Variants in FUT8 observed in about 807,000 individuals in gnomAD.
The protein encoded by FUT8 is alpha-(1,6)-fucosyltransferase.
A neutral mutation model predicts 71.3 loss-of-function variants in FUT8; 29 were observed. That is an observed-to-expected ratio of 0.41 (90% CI 0.30 to 0.55). The LOEUF is 0.55. Among genes scored for constraint, FUT8 ranks in the 20% least tolerant of loss-of-function variants. The pLI is 0.34. For missense variants in FUT8, 544 were observed against 702.1 expected (o/e 0.77, Z 2.55); for synonymous variants, 254 against 239.3 (o/e 1.06, Z -0.57).
intron 1 of FUT8, 26 bp from the exon 2 acceptor site, chr14:65,455,595 T>C (rs2065885045): frequency 2.5e-6 from 1 of 398,164 alleles, no homozygotes; most frequent in Non-Finnish European, 4.4e-6. Flanking sequence ...TAGGGCTGAA[T>C]TTCATATATT....
chr14:65,705,127 A>G (rs1489229868), intron 7 of FUT8, among the ~76,000 whole-genome samples: 1 of 152,178 alleles, frequency 6.6e-6, no homozygotes, highest in East Asian at 1.9e-4. Context: ...GACAGTAATA[A>G]TAGTCTTTCA....
intron 1 of FUT8, among the ~76,000 whole-genome samples, chr14:65,452,884 T>C (rs1371529875): frequency 2.6e-5 from 4 of 152,214 alleles, no homozygotes; most frequent in South Asian, 2.1e-4. Flanking sequence ...TGTCTTAATA[T>C]ACTTAACCTT....
intron 6 of FUT8, among the ~76,000 whole-genome samples, chr14:65,664,697 G>A (rs1892124493): frequency 6.6e-6 from 1 of 152,084 alleles, no homozygotes; most frequent in South Asian, 2.1e-4. Flanking sequence ...CTAGGGCTCT[G>A]CTTGACAGGA....
chr14:65,515,619 A>G (rs1267862780), intron 2 of FUT8, among the ~76,000 whole-genome samples: 1 of 152,196 alleles, frequency 6.6e-6, no homozygotes, highest in Admixed American at 6.5e-5. Flanking sequence ...AATTAAAGTC[A>G]GGACTCACAA....
chr14:65,365,380 T>C, the FUT8 span, among the ~76,000 whole-genome samples: 1 of 151,654 alleles, frequency 6.6e-6, no homozygotes, highest in Non-Finnish European at 1.5e-5. Flanking sequence ...AACAAATAAT[T>C]ATTGAGCATC....
intron 1 of FUT8, among the ~76,000 whole-genome samples, chr14:65,418,538 G>A (rs2065250662): frequency 6.6e-6 from 1 of 152,158 alleles, no homozygotes; most frequent in Non-Finnish European, 1.5e-5. Context: ...ACAATTGATA[G>A]TAATATCTTA....
At position 65,662,732 on chromosome 14, in the gene FUT8, C is replaced by A. The variant is rs1170460849; in HGVS notation, c.598-6511C>A. Among the ~76,000 whole-genome samples, 4 of 152,094 alleles carry A rather than the reference C, an allele frequency of 2.6e-5. No homozygotes were observed. The South Asian group carries it at 6.2e-4, about 24-fold the overall frequency. On this transcript the variant is annotated intron_variant, in intron 6 of 10. Transcript: ENST00000673929. ...TCATAGTAGCTCTGAGAAAGAAGGGCGAGTGAACAGGGAGAGGTTGTGTAG... is the reference window on the plus strand; with the variant it reads ...TCATAGTAGCTCTGAGAAAGAAGGGAGAGTGAACAGGGAGAGGTTGTGTAG...
At chr14:65,431,493 T>G (rs1326363539) in intron 1 of FUT8, among the ~76,000 whole-genome samples, 2 of 151,690 alleles carry the variant, frequency 1.3e-5, no homozygotes, top group African/African-American at 4.8e-5. Context: ...GTATTTTTTT[T>G]GTAGAGGCTG....
intron 3 of FUT8, among the ~76,000 whole-genome samples, chr14:65,562,746 T>C: frequency 6.6e-6 from 1 of 152,044 alleles, no homozygotes; most frequent in East Asian, 1.9e-4. Context: ...AACACATAAA[T>C]TAAGGAGTAG....
At chr14:65,431,661 CTT>C (rs11321643) in intron 1 of FUT8, among the ~76,000 whole-genome samples, 12,374 of 143,600 alleles carry the variant, frequency 0.086, 608 homozygotes, top group African/African-American at 0.13. Context: ...TGTAGGTTCA[CTT>C]TTTTTTTTTT....
At chr14:65,524,369 C>A (rs1883297264) in intron 2 of FUT8, among the ~76,000 whole-genome samples, 1 of 151,974 alleles carries the variant, frequency 6.6e-6, no homozygotes, top group African/African-American at 2.4e-5. Context: ...ATTTGGCTCT[C>A]TGTTTGTCTG....
chr14:65,665,572 C>T (rs1892171093), intron 6 of FUT8, among the ~76,000 whole-genome samples: 1 of 152,042 alleles, frequency 6.6e-6, no homozygotes, highest in Non-Finnish European at 1.5e-5. Context: ...CCCAGCAGTC[C>T]CATTACTGGA....
intron 3 of FUT8, among the ~76,000 whole-genome samples, chr14:65,597,048 C>G (rs748739244): frequency 6.6e-6 from 1 of 152,152 alleles, no homozygotes; most frequent in Non-Finnish European, 1.5e-5. Flanking sequence ...TGAGCCCCTA[C>G]TGTTTTGGAA....
intron 7 of FUT8, among the ~76,000 whole-genome samples, chr14:65,677,554 T>C (rs544305788): frequency 3.3e-5 from 5 of 152,330 alleles, no homozygotes; most frequent in Non-Finnish European, 2.9e-5. Flanking sequence ...ATTAGAGTTA[T>C]CATTTTTGTT....
chr14:65,648,163 A>G (rs1395606104), intron 6 of FUT8, among the ~76,000 whole-genome samples: 2 of 152,222 alleles, frequency 1.3e-5, no homozygotes, highest in African/African-American at 2.4e-5. Context: ...ACAGTTGCAA[A>G]GTTGAATAAT....
intron 3 of FUT8, among the ~76,000 whole-genome samples, chr14:65,596,747 AGTTTAAAATGCAT>A (rs1888003677): frequency 6.6e-6 from 1 of 152,166 alleles, no homozygotes; most frequent in African/African-American, 2.4e-5. Flanking sequence ...ATGAAATCAT[AGTTTAAAATGCAT>A]GGTTGTTTTC....
intron 6 of FUT8, among the ~76,000 whole-genome samples, chr14:65,658,525 A>G (rs1349335320): frequency 6.6e-6 from 1 of 152,166 alleles, no homozygotes; most frequent in Admixed American, 6.5e-5. Context: ...GAAACAACCC[A>G]AATGTCCTTC....
At chr14:65,661,570 G>C (rs1019908215) in intron 6 of FUT8, among the ~76,000 whole-genome samples, 1 of 152,160 alleles carries the variant, frequency 6.6e-6, no homozygotes, top group Non-Finnish European at 1.5e-5. Flanking sequence ...TTACATTGTG[G>C]CTGGAAAATT....
At chr14:65,629,692 G>C in intron 6 of FUT8, 86 bp downstream of exon 6, 3 of 922,178 alleles carry the variant, frequency 3.3e-6, no homozygotes, top group Non-Finnish European at 5.2e-6. Context: ...GTTGTTTTTA[G>C]TCTTCCTGGC....
Sources: gnomAD v4.1 joint callset for allele counts (sites outside exome capture counted in the v4.1 genomes callset) on GRCh38, gnomAD v4.1.1 for gene constraint, MANE v1.5 for transcripts, NCBI Gene and HGNC (gene_info 2026-07-23, HGNC 2026-07-21) for gene names.